The following CCSER1 variants were observed in gnomAD, a reference collection of about 807,000 sequenced individuals.
CCSER1 encodes serine-rich coiled-coil domain-containing protein 1.
In CCSER1, 41 loss-of-function variants were observed where a neutral mutation model predicts 82.0. The ratio of observed to expected loss-of-function variants is 0.50; its 90% CI spans 0.39 to 0.65. CCSER1 has a LOEUF of 0.65. CCSER1 is among the 30% of genes least tolerant of loss of function. The probability of loss-of-function intolerance (pLI) is 0.00; values close to 1 mark genes in which losing one functional copy is unlikely to be tolerated. For synonymous variants in CCSER1, 414 were observed against 383.9 expected, an observed-to-expected ratio of 1.08 and a Z score of -0.92; for missense variants, 1,119 against 1,064.2, an observed-to-expected ratio of 1.05 and a Z score of -0.72.
At chr4:90,818,764 G>A (rs1759364113) in intron 8 of CCSER1, among the ~76,000 whole-genome samples, 1 of 152,136 alleles carries the variant, frequency 6.6e-6, no homozygotes, top group Non-Finnish European at 1.5e-5. Context: ...AATGTCCCAT[G>A]GGGGCAAAAT....
intron 10 of CCSER1, among the ~76,000 whole-genome samples, chr4:91,145,550 T>A (rs1729457939): frequency 1.3e-5 from 2 of 152,278 alleles, no homozygotes; most frequent in South Asian, 4.1e-4. Context: ...TTAGGGTCTG[T>A]GGGCTATGTA....
intron 3 of CCSER1, among the ~76,000 whole-genome samples, chr4:90,379,979 G>A (rs745967938): frequency 6.6e-6 from 1 of 152,080 alleles, no homozygotes; most frequent in African/African-American, 2.4e-5. Context: ...TAAACAACCA[G>A]ATCTCAGGAG....
At chr4:90,623,355 T>TA (rs1392444932) in intron 5 of CCSER1, among the ~76,000 whole-genome samples, 1 of 150,346 alleles carries the variant, frequency 6.7e-6, no homozygotes, top group African/African-American at 2.5e-5. Flanking sequence ...ATTTTTTTTT[T>TA]ATGGAGATAG....
chr4:91,399,435 G>A (rs951403699), intron 10 of CCSER1, among the ~76,000 whole-genome samples: 18 of 151,922 alleles, frequency 1.2e-4, no homozygotes, highest in African/African-American at 3.1e-4. Flanking sequence ...GTTCATCATT[G>A]TAATTTATGC....
intron 3 of CCSER1, among the ~76,000 whole-genome samples, chr4:90,389,567 T>C (rs1360901500): frequency 6.6e-6 from 1 of 152,200 alleles, no homozygotes; most frequent in Non-Finnish European, 1.5e-5. Context: ...TATTATTAGG[T>C]AAATGAGATA....
intron 7 of CCSER1, among the ~76,000 whole-genome samples, chr4:90,798,553 T>C (rs1458418376): frequency 1.3e-5 from 2 of 152,148 alleles, no homozygotes; most frequent in South Asian, 4.1e-4. Flanking sequence ...AAAGGCCTTC[T>C]GGCTTTTTGG....
intron 6 of CCSER1, among the ~76,000 whole-genome samples, chr4:90,666,216 CAG>C (rs1306742604): frequency 6.6e-6 from 1 of 152,120 alleles, no homozygotes; most frequent in Admixed American, 6.5e-5. Context: ...TAAGTCTACA[CAG>C]GGGATTCTGG....
Position 90,316,581 on chromosome 4 carries a change from A to T in CCSER1, c.1509+3534A>T, listed in dbSNP as rs1018783717. ...AAAAGGAACTTTGTCACAAAAGAGGATATTCATACTTAGCAGTTTTGTAAT... is the reference window on the plus strand; with the variant it reads ...AAAAGGAACTTTGTCACAAAAGAGGTTATTCATACTTAGCAGTTTTGTAAT... On this transcript the variant is annotated intron_variant, in intron 3 of 10. Coordinates refer to ENST00000509176, the MANE Select transcript of CCSER1 (RefSeq NM_001145065.2). Among the ~76,000 whole-genome samples, 8 of 152,318 alleles carry T rather than the reference A, an allele frequency of 5.3e-5. No individual in the cohort carries two copies. In the South Asian group the frequency reaches 8.3e-4, roughly 16 times the overall value.
chr4:90,155,449 G>A (rs1727905849), intron 1 of CCSER1, among the ~76,000 whole-genome samples: 1 of 152,174 alleles, frequency 6.6e-6, no homozygotes, highest in South Asian at 2.1e-4. Flanking sequence ...GTTTCAGAAG[G>A]AATGGTACCA....
chr4:91,301,469 T>C (rs1744657751), intron 10 of CCSER1, among the ~76,000 whole-genome samples: 1 of 151,296 alleles, frequency 6.6e-6, no homozygotes, highest in African/African-American at 2.4e-5. Flanking sequence ...ACAAAGTAAA[T>C]TGTTTCTCAT....
intron 6 of CCSER1, among the ~76,000 whole-genome samples, chr4:90,661,454 G>A (rs1408376315): frequency 6.6e-6 from 1 of 152,124 alleles, no homozygotes; most frequent in African/African-American, 2.4e-5. Context: ...AAAAGTAATT[G>A]AAGAATAGAA....
chr4:91,401,542 TC>T (rs34772352), intron 10 of CCSER1, among the ~76,000 whole-genome samples: 1 of 151,842 alleles, frequency 6.6e-6, no homozygotes, highest in African/African-American at 2.4e-5. Flanking sequence ...ATTCTATTCG[TC>T]CCCCCTCCCC....
chr4:91,228,580 G>T (rs1417337387), intron 10 of CCSER1, among the ~76,000 whole-genome samples: 1 of 151,774 alleles, frequency 6.6e-6, no homozygotes, highest in East Asian at 1.9e-4. Flanking sequence ...CCATTAAACA[G>T]CAGAAAGAAT....
chr4:90,929,271 A>C (rs1337984488), intron 9 of CCSER1, among the ~76,000 whole-genome samples: 1 of 152,176 alleles, frequency 6.6e-6, no homozygotes, highest in Non-Finnish European at 1.5e-5. Flanking sequence ...TTATAATTCT[A>C]AAAATTTATA....
At chr4:91,585,012 CACTT>C (rs1464999887) in intron 10 of CCSER1, among the ~76,000 whole-genome samples, 4 of 151,466 alleles carry the variant, frequency 2.6e-5, no homozygotes, top group African/African-American at 9.7e-5. Flanking sequence ...TTTGTCATGT[CACTT>C]ACCTCATCAT....
intron 8 of CCSER1, among the ~76,000 whole-genome samples, chr4:90,833,115 G>A (rs79541647): frequency 0.17 from 25,514 of 152,138 alleles, 2,604 homozygotes; most frequent in South Asian, 0.27. Flanking sequence ...AATTCTCACA[G>A]TTTTGGAAGC....
chr4:91,438,963 A>G (rs1754897736), intron 10 of CCSER1, among the ~76,000 whole-genome samples: 1 of 152,220 alleles, frequency 6.6e-6, no homozygotes, highest in Admixed American at 6.5e-5. Flanking sequence ...CAAATCCTCC[A>G]AGAAATATGG....
chr4:91,553,764 GTCT>G (rs1291502344), intron 10 of CCSER1, among the ~76,000 whole-genome samples: 5 of 150,522 alleles, frequency 3.3e-5, no homozygotes, highest in African/African-American at 9.8e-5. Context: ...CAGTTGTAGA[GTCT>G]TCTTCTCTTT....
chr4:91,427,931 T>C (rs1363605610), intron 10 of CCSER1, among the ~76,000 whole-genome samples: 3 of 152,042 alleles, frequency 2.0e-5, no homozygotes, highest in Middle Eastern at 3.4e-3. Flanking sequence ...AGTCCAGGGA[T>C]ATAGCTTTTA....
Sources: allele counts gnomAD v4.1 joint callset (sites outside exome capture counted in the v4.1 genomes callset), GRCh38; gene constraint gnomAD v4.1.1; transcripts MANE v1.5; gene names NCBI Gene and HGNC (gene_info 2026-07-23, HGNC 2026-07-21).